The following MITF variants were observed in gnomAD, a reference collection of about 807,000 sequenced individuals.
The protein encoded by MITF is melanocyte inducing transcription factor.
Under a neutral mutation model 60.5 loss-of-function variants are expected in MITF, and 17 were observed. That is an observed-to-expected ratio of 0.28 (90% confidence interval 0.19 to 0.42). MITF has a LOEUF of 0.42. Among genes scored for constraint, MITF ranks in the 10% least tolerant of loss-of-function variants. The probability of loss-of-function intolerance (pLI) is 1.00; values close to 1 mark genes in which losing one functional copy is unlikely to be tolerated. For synonymous variants in MITF, 260 were observed against 248.5 expected, an observed-to-expected ratio of 1.05 and a Z score of -0.43; for missense variants, 622 against 683.5, an observed-to-expected ratio of 0.91 and a Z score of 1.00.
At chr3:69,927,074 G>A (rs986482710) in intron 2 of MITF, among the ~76,000 whole-genome samples, 1 of 150,832 alleles carries the variant, frequency 6.6e-6, no homozygotes, top group African/African-American at 2.4e-5. Flanking sequence ...AGAATTTATC[G>A]CTCGGGAATA....
At chr3:69,835,632 C>T (rs551462023) in intron 1 of MITF, among the ~76,000 whole-genome samples, 1 of 152,196 alleles carries the variant, frequency 6.6e-6, no homozygotes, top group African/African-American at 2.4e-5. Flanking sequence ...GTCTTTATTT[C>T]ATTTTGAGTT....
At position 69,819,483 on chromosome 3, in the gene MITF, T is replaced by C. The variant is rs190735820; in HGVS notation, c.105-59651T>C. ...TTCCATTAGAACAGATGGCCCGAAG[T>C]GTGGCTGTGCCAGAGAGCAGAGACC... On this transcript the variant is annotated intron_variant, in intron 1 of 9. Coordinates refer to ENST00000352241, the MANE Select transcript of MITF (RefSeq NM_001354604.2). Among the ~76,000 whole-genome samples, 7 of 152,310 alleles carry C rather than the reference T, an allele frequency of 4.6e-5. No individual in the cohort carries two copies. The East Asian group carries it at 1.4e-3, about 29-fold the overall frequency.
At chr3:69,942,477 T>TA (rs2065991404) in intron 5 of MITF, among the ~76,000 whole-genome samples, 1 of 152,046 alleles carries the variant, frequency 6.6e-6, no homozygotes, top group South Asian at 2.1e-4. Context: ...CTTTTTTTTT[T>TA]AAATCCATCT....
At position 69,936,772 on chromosome 3, in the gene MITF, C is replaced by A. The variant is rs369106678; in HGVS notation, c.355-1050C>A. 3.7e-6 allele frequency: 6 copies of A among 1,609,326 alleles called. No homozygotes were observed. In the South Asian group the frequency reaches 5.5e-5, roughly 15 times the overall value. ...CACTATCAGGTGAGATTTATTCTGA[C>A]TCATATTCAGTCTTTGAAATATAAT... On this transcript the variant is annotated intron_variant, in intron 2 of 9. Coordinates refer to ENST00000352241, the MANE Select transcript of MITF (RefSeq NM_001354604.2).
intron 1 of MITF, among the ~76,000 whole-genome samples, chr3:69,757,790 A>T (rs1411255908): frequency 6.6e-6 from 1 of 151,810 alleles, no homozygotes; most frequent in Non-Finnish European, 1.5e-5. Context: ...CTTCGGGCAA[A>T]TTTTCATTGC....
chr3:69,927,495 C>A (rs905164812), intron 2 of MITF, among the ~76,000 whole-genome samples: 5 of 151,768 alleles, frequency 3.3e-5, no homozygotes, highest in African/African-American at 1.2e-4. Flanking sequence ...ATGTAACAAA[C>A]CTGCACGTTC....
chr3:69,940,584 G>T (rs2065945816), intron 4 of MITF, among the ~76,000 whole-genome samples: 1 of 152,190 alleles, frequency 6.6e-6, no homozygotes, highest in Non-Finnish European at 1.5e-5. Flanking sequence ...ACTGGTAGCT[G>T]TACAAGGAGA....
At chr3:69,823,487 G>A (rs551422716) in intron 1 of MITF, among the ~76,000 whole-genome samples, 1 of 152,110 alleles carries the variant, frequency 6.6e-6, no homozygotes, top group South Asian at 2.1e-4. Flanking sequence ...TCTAATAAGG[G>A]CACTAATGCC....
chr3:69,878,744 T>C (rs1474528536), intron 1 of MITF, among the ~76,000 whole-genome samples: 2 of 152,154 alleles, frequency 1.3e-5, no homozygotes, highest in Non-Finnish European at 2.9e-5. Context: ...GATTCAGTTA[T>C]ACAAAAAAGC....
chr3:69,897,424 A>T (rs2064900367), intron 2 of MITF, among the ~76,000 whole-genome samples: 1 of 152,174 alleles, frequency 6.6e-6, no homozygotes, highest in South Asian at 2.1e-4. Context: ...GAGAAGAAAA[A>T]CTGAACATAG....
intron 1 of MITF, among the ~76,000 whole-genome samples, chr3:69,871,911 T>C (rs564569452): frequency 1.1e-4 from 16 of 152,366 alleles, no homozygotes; most frequent in African/African-American, 3.8e-4. Flanking sequence ...CAGTGGAGCA[T>C]CTTGCCATGC....
In MITF at chr3:69,743,482, T is replaced by A. The variant is rs188957777; in HGVS notation, c.104+3781T>A. ...TAACCTCAGATATTCAAGTCTTTCA[T>A]GAGGAAGGACATGTTTCATTTCTAA... On this transcript the variant is annotated intron_variant, in intron 1 of 9. Transcript: ENST00000352241. Among the ~76,000 whole-genome samples the A allele has an allele frequency of 2.4e-3, 359 of 152,346 alleles. 1 individual carries two copies. Among genetic ancestry groups the A allele is most frequent in the South Asian group, 0.021 (103 of 4,830 alleles).
chr3:69,941,513 A>G (rs1467856328), intron 5 of MITF, among the ~76,000 whole-genome samples, 182 bp downstream of exon 5: 1 of 152,204 alleles, frequency 6.6e-6, no homozygotes, highest in Non-Finnish European at 1.5e-5. Context: ...AGAAGTTTTT[A>G]TGAGTTTATG....
intron 1 of MITF, among the ~76,000 whole-genome samples, chr3:69,854,837 CCATGGGGA>C (rs2063888763): frequency 6.6e-6 from 1 of 152,070 alleles, no homozygotes; most frequent in South Asian, 2.1e-4. Context: ...GTCAAATGTC[CCATGGGGA>C]CAAAATTGTC....
chr3:69,802,683 CTTTTTTTTTTTTTTT>C (rs34396439), intron 1 of MITF, among the ~76,000 whole-genome samples: 1 of 66,212 alleles, frequency 1.5e-5, no homozygotes, highest in African/African-American at 6.6e-5. Context: ...AGTCCATATT[CTTTTTTTTTTTTTTT>C]TTTTTTTTTT....
chr3:69,769,676 G>C (rs2062362865), intron 1 of MITF: 1 of 152,148 alleles, frequency 6.6e-6, no homozygotes, highest in African/African-American at 2.4e-5. Flanking sequence ...GCACTCACCA[G>C]ATCAGCAAAG....
chr3:69,910,104 A>T (rs2065190945), intron 2 of MITF, among the ~76,000 whole-genome samples: 1 of 152,136 alleles, frequency 6.6e-6, no homozygotes, highest in South Asian at 2.1e-4. Flanking sequence ...CAGTCTAGGG[A>T]CTTGGTGCCC....
At chr3:69,890,053 G>T (rs568107493) in intron 2 of MITF, among the ~76,000 whole-genome samples, 129 of 152,124 alleles carry the variant, frequency 8.5e-4, no homozygotes, top group African/African-American at 3.0e-3. Flanking sequence ...TCTCTAAGTT[G>T]CCATCTTCAT....
At chr3:69,862,157 A>T (rs562758284) in intron 1 of MITF, among the ~76,000 whole-genome samples, 40 of 152,210 alleles carry the variant, frequency 2.6e-4, no homozygotes, top group African/African-American at 7.2e-4. Flanking sequence ...ATTCTAAACC[A>T]TACCCCTGCA....
Sources: allele counts gnomAD v4.1 joint callset (sites outside exome capture counted in the v4.1 genomes callset), GRCh38; gene constraint gnomAD v4.1.1; transcripts MANE v1.5; gene names NCBI Gene and HGNC (gene_info 2026-07-23, HGNC 2026-07-21).